RABGAP1L: variants seen among roughly 807,000 people sequenced by gnomAD.
RABGAP1L encodes the protein RAB GTPase activating protein 1 like.
A neutral mutation model predicts 137.7 loss-of-function variants in RABGAP1L; 63 were observed. That is an observed-to-expected ratio of 0.46 (90% CI 0.37 to 0.56). RABGAP1L has a LOEUF of 0.56. Ranked by LOEUF, RABGAP1L falls within the 20% of genes least tolerant of loss-of-function variation. The probability of loss-of-function intolerance (pLI) is 0.00; values close to 1 mark genes in which losing one functional copy is unlikely to be tolerated. For missense variants in RABGAP1L, 1,095 were observed against 1,244.0 expected, an observed-to-expected ratio of 0.88 and a Z score of 1.80; for synonymous variants, 431 against 433.7, an observed-to-expected ratio of 0.99 and a Z score of 0.08.
chr1:174,243,326 A>C (rs1558064193), intron 5 of RABGAP1L: 2 of 152,142 alleles, frequency 1.3e-5, no homozygotes, highest in African/African-American at 2.4e-5. Flanking sequence ...GTATTAAATA[A>C]ATGCTGTTTC....
At chr1:174,329,522 A>C (rs539622386) in intron 11 of RABGAP1L, among the ~76,000 whole-genome samples, 1 of 152,340 alleles carries the variant, frequency 6.6e-6, no homozygotes, top group South Asian at 2.1e-4. Context: ...AATCAAAGAC[A>C]CAACAAAAGA....
intron 17 of RABGAP1L, among the ~76,000 whole-genome samples, chr1:174,717,280 C>A (rs1681099147): frequency 6.6e-6 from 1 of 151,988 alleles, no homozygotes; most frequent in Admixed American, 6.5e-5. Context: ...GCATGCTGGG[C>A]ACAACTGTAC....
chr1:174,611,489 T>G (rs1419913582), intron 13 of RABGAP1L, among the ~76,000 whole-genome samples: 1 of 149,916 alleles, frequency 6.7e-6, no homozygotes, highest in East Asian at 2.0e-4. Context: ...TCAGGTAGCA[T>G]GATGCCTCCA....
intron 13 of RABGAP1L, among the ~76,000 whole-genome samples, chr1:174,596,650 A>G (rs536674554): frequency 1.9e-4 from 29 of 152,324 alleles, no homozygotes; most frequent in Non-Finnish European, 3.2e-4. Context: ...ATAAGATTAT[A>G]TCATCTGCAA....
chr1:174,400,732 A>G (rs1648473765), intron 13 of RABGAP1L, among the ~76,000 whole-genome samples: 1 of 152,066 alleles, frequency 6.6e-6, no homozygotes, highest in East Asian at 1.9e-4. Flanking sequence ...GGCAGCCATT[A>G]AGAATTAGTA....
chr1:174,230,011 A>G (rs937447229), intron 3 of RABGAP1L, among the ~76,000 whole-genome samples: 8 of 152,164 alleles, frequency 5.3e-5, no homozygotes, highest in Admixed American at 1.3e-4. Context: ...ATGTCCAACA[A>G]TGATAGACTG....
chr1:174,895,594 C>A (rs1558202369), intron 19 of RABGAP1L, among the ~76,000 whole-genome samples: 1 of 151,722 alleles, frequency 6.6e-6, no homozygotes, highest in African/African-American at 2.4e-5. Context: ...CCTCCCCACT[C>A]CCCCCACCCC....
intron 13 of RABGAP1L, among the ~76,000 whole-genome samples, chr1:174,570,580 T>C (rs1260142734): frequency 6.6e-6 from 1 of 152,130 alleles, no homozygotes; most frequent in Non-Finnish European, 1.5e-5. Flanking sequence ...GCTTACTACC[T>C]AGAGGATGGG....
intron 13 of RABGAP1L, among the ~76,000 whole-genome samples, chr1:174,458,449 A>G (rs1001567221): frequency 1.3e-5 from 2 of 152,062 alleles, no homozygotes; most frequent in Non-Finnish European, 2.9e-5. Flanking sequence ...TTGCTAAAGG[A>G]TCTCATACGA....
At chr1:174,598,282 C>T (rs535950285) in intron 13 of RABGAP1L, among the ~76,000 whole-genome samples, 11 of 142,448 alleles carry the variant, frequency 7.7e-5, no homozygotes, top group African/African-American at 2.2e-4. Flanking sequence ...GAGCCGAGAT[C>T]GCATCACTGC....
intron 19 of RABGAP1L, among the ~76,000 whole-genome samples, chr1:174,833,087 A>T (rs1368129565): frequency 6.6e-6 from 1 of 151,902 alleles, no homozygotes; most frequent in South Asian, 2.1e-4. Flanking sequence ...TTGCTTTACT[A>T]CCTCTTTTAC....
In RABGAP1L at chr1:174,584,645, G is replaced by A. The variant is rs987364284; in HGVS notation, c.1711-52730G>A. Among the ~76,000 whole-genome samples the A allele has an allele frequency of 6.6e-5, 10 of 152,216 alleles. No individual in the cohort carries two copies. In the East Asian group the frequency reaches 1.9e-3, roughly 29 times the overall value. ...ATATATCATTCTTGGTGATGGGCTT[G>A]GCCACTTTGTAAGAAACCTTGGTAT... On this transcript the variant is annotated intron_variant, in intron 13 of 25. Transcript: ENST00000681986.
intron 19 of RABGAP1L, among the ~76,000 whole-genome samples, chr1:174,903,864 C>T (rs1182691641): frequency 4.6e-5 from 7 of 151,420 alleles, no homozygotes; most frequent in African/African-American, 1.5e-4. Context: ...GCAGGAGAAT[C>T]GCTTGAAGCC....
chr1:174,790,617 A>G (rs1687778338), intron 18 of RABGAP1L, among the ~76,000 whole-genome samples: 1 of 121,568 alleles, frequency 8.2e-6, no homozygotes, highest in East Asian at 2.3e-4. Context: ...CTGGGCGACA[A>G]AAGTGAAAAA....
In RABGAP1L at chr1:174,994,724, T is replaced by G. The variant is rs1246370950; in HGVS notation, c.*4723T>G. Reference sequence around the variant, plus strand: ...TGTCCCAAAAGCCTTTTGTATCAGTTTCTCTATTTTTGGTATTTTGCATAA... The same window carrying G: ...TGTCCCAAAAGCCTTTTGTATCAGTGTCTCTATTTTTGGTATTTTGCATAA... On this transcript the variant is annotated 3_prime_UTR_variant, in exon 26 of 26. Transcript: ENST00000681986. 6.6e-6 allele frequency: 1 copy of G among 152,210 alleles called. No individual in the cohort carries two copies. Among genetic ancestry groups the G allele is most frequent in the Non-Finnish European group, 1.5e-5 (1 of 68,042 alleles). 9.4% of individuals were successfully genotyped at this position (152,210 alleles called of 1,614,324 possible).
chr1:174,967,351 TGAGA>T (rs753346290), intron 20 of RABGAP1L, among the ~76,000 whole-genome samples: 1 of 140,650 alleles, frequency 7.1e-6, no homozygotes, highest in Non-Finnish European at 1.5e-5. Flanking sequence ...TTTTTTTTTT[TGAGA>T]TGGAGTCTCA....
intron 19 of RABGAP1L, among the ~76,000 whole-genome samples, chr1:174,848,524 C>G (rs1198583862): frequency 2.0e-5 from 3 of 149,332 alleles, no homozygotes. Context: ...GGGGGTGCCT[C>G]CCAGTTAGGC....
intron 19 of RABGAP1L, among the ~76,000 whole-genome samples, chr1:174,840,583 G>A (rs1312427438): frequency 2.0e-5 from 3 of 150,122 alleles, no homozygotes; most frequent in Non-Finnish European, 4.4e-5. Context: ...AGGCTGAGGC[G>A]TGCGGATCAC....
intron 13 of RABGAP1L, among the ~76,000 whole-genome samples, chr1:174,557,542 A>G (rs1666955885): frequency 6.6e-6 from 1 of 152,200 alleles, no homozygotes; most frequent in Non-Finnish European, 1.5e-5. Context: ...CTAGCACCCC[A>G]TTGAATATTT....
Sources: gnomAD v4.1 joint callset for allele counts (sites outside exome capture counted in the v4.1 genomes callset) on GRCh38, gnomAD v4.1.1 for gene constraint, MANE v1.5 for transcripts, NCBI Gene and HGNC (gene_info 2026-07-23, HGNC 2026-07-21) for gene names.